The following NIBAN3 variants were observed in gnomAD, a reference collection of about 807,000 sequenced individuals.
NIBAN3 encodes the protein protein Niban 3.
NIBAN3 carries 66 observed loss-of-function variants against 76.4 expected under a neutral mutation model. The ratio of observed to expected loss-of-function variants is 0.86; its 90% confidence interval spans 0.71 to 1.06. The LOEUF (loss-of-function observed/expected upper bound fraction) is 1.06. Ranked by LOEUF, NIBAN3 falls within the 50% of genes least tolerant of loss-of-function variation. NIBAN3 has a pLI of 0.00. For missense variants in NIBAN3, 808 were observed against 810.7 expected (o/e 1.00, Z 0.04); for synonymous variants, 360 against 355.2 (o/e 1.01, Z -0.15).
Position 17,537,682 on chromosome 19 carries a change from A to C in NIBAN3, c.595+139A>C, listed in dbSNP as rs1007332402. Reference sequence around the variant, plus strand: ...GTTTTTAGGCCAGGTGTGGTGGTTCATGCCTGTAATTCTAGCATTTTGGGA... The same window carrying C: ...GTTTTTAGGCCAGGTGTGGTGGTTCCTGCCTGTAATTCTAGCATTTTGGGA... On this transcript the variant is annotated intron_variant, in intron 5 of 14. Transcript: ENST00000599164. The C allele has an allele frequency of 2.5e-5, 19 of 761,952 alleles. No individual in the cohort carries two copies. The African/African-American group carries it at 3.0e-4, about 12-fold the overall frequency. The allele number at this position is 761,952 out of a possible 1,614,324, so 47.2% of individuals were successfully genotyped here. A position where few individuals can be genotyped will look rare whatever the true frequency, so the allele number is the denominator to read the frequency against.
intron 12 of NIBAN3, 50 bp from the exon 13 acceptor site, chr19:17,546,636 C>G (rs1180360932): frequency 4.1e-6 from 6 of 1,475,644 alleles, no homozygotes; most frequent in Non-Finnish European, 5.4e-6. Flanking sequence ...TTGTAGGCCT[C>G]TAGAGGGGCC....
chr19:17,539,302 G>A, intron 6 of NIBAN3, 37 bp downstream of exon 6: 1 of 1,563,930 alleles, frequency 6.4e-7, no homozygotes, highest in African/African-American at 1.4e-5. Flanking sequence ...GGACCCCCAG[G>A]ACCCTCCCGG....
At chr19:17,546,872 C>T (rs2076065328) in intron 13 of NIBAN3, 75 bp downstream of exon 13, 2 of 1,505,068 alleles carry the variant, frequency 1.3e-6, no homozygotes, top group Admixed American at 2.1e-5. Flanking sequence ...ACCAGGGCCA[C>T]ATCGACTCTC....
upstream of NIBAN3, among the ~76,000 whole-genome samples, chr19:17,524,222 A>G (rs1476733814): frequency 6.6e-6 from 1 of 150,904 alleles, no homozygotes; most frequent in Admixed American, 6.6e-5. Flanking sequence ...TGACCCCTCC[A>G]TGCCCATCCT....
chr19:17,525,351 A>ATTCG (rs1189126787), upstream of NIBAN3, among the ~76,000 whole-genome samples: 2 of 151,690 alleles, frequency 1.3e-5, no homozygotes, highest in African/African-American at 4.9e-5. Context: ...TCATTCATTC[A>ATTCG]TTCATTCATT....
In NIBAN3 at chr19:17,553,266, G is replaced by T; in HGVS notation, c.*1368G>T. 1 of 1,596,936 alleles carries T rather than the reference G, an allele frequency of 6.3e-7. No individual in the cohort carries two copies. Among genetic ancestry groups the T allele is most frequent in the South Asian group, 1.1e-5 (1 of 89,738 alleles). On this transcript the variant is annotated 3_prime_UTR_variant, in exon 15 of 15. Transcript: ENST00000599164. The stretch of plus-strand genomic sequence containing the variant: ...TTTGTGATACAGGTTACAGATTTTG[G>T]GGTTTTTTTCTCCGCTTGCTGTGAG...
chr19:17,523,338 C>T (rs186618148), upstream of NIBAN3: 64 of 1,084,122 alleles, frequency 5.9e-5, no homozygotes, highest in African/African-American at 4.5e-4. Context: ...TGCGCAGAGG[C>T]GGCTGTGCAG....
intron 1 of NIBAN3, among the ~76,000 whole-genome samples, chr19:17,529,885 C>A (rs954985206): frequency 3.9e-5 from 6 of 151,978 alleles, no homozygotes; most frequent in African/African-American, 9.7e-5. Context: ...CATAGCAAGA[C>A]CTTGTCTCTA....
intron 10 of NIBAN3, 71 bp from the exon 11 acceptor site, chr19:17,543,246 A>G: frequency 1.0e-6 from 1 of 986,128 alleles, no homozygotes; most frequent in Non-Finnish European, 1.5e-6. Flanking sequence ...AGAAGGGGTC[A>G]GCTGGGCAGG....
upstream of NIBAN3, chr19:17,527,112 A>G (rs2075618166): frequency 2.7e-6 from 3 of 1,102,562 alleles, no homozygotes; most frequent in South Asian, 3.1e-5. Flanking sequence ...ACACCCCACA[A>G]CCTAACCCCG....
intron 1 of NIBAN3, among the ~76,000 whole-genome samples, chr19:17,529,655 G>A (rs1672969879): frequency 6.6e-6 from 1 of 152,186 alleles, no homozygotes; most frequent in Non-Finnish European, 1.5e-5. Flanking sequence ...AGCTCCCCAG[G>A]TAAAGCATAT....
chr19:17,554,606 A>AC (rs1568469583), downstream of NIBAN3, among the ~76,000 whole-genome samples: 1 of 147,482 alleles, frequency 6.8e-6, no homozygotes, highest in Non-Finnish European at 1.5e-5. Flanking sequence ...ATATGGTGAA[A>AC]CCCCATCTCT....
At position 17,551,923 on chromosome 19, in the gene NIBAN3, T is replaced by G. The variant is rs771588296; in HGVS notation, c.*25T>G. On this transcript the variant is annotated 3_prime_UTR_variant, in exon 15 of 15. Coordinates refer to ENST00000599164, the MANE Select transcript of NIBAN3 (RefSeq NM_001321827.2). ...AATCTTCACCCACATCTATCTTGTT[T>G]CTATTGGATAAATGTCTACAAGTGG... 14 of 763,604 alleles carry G rather than the reference T, an allele frequency of 1.8e-5. No homozygotes were observed. Among genetic ancestry groups the G allele is most frequent in the Non-Finnish European group, 2.7e-5 (11 of 404,778 alleles). The allele number at this position is 763,604 out of a possible 1,614,324, so 47.3% of individuals were successfully genotyped here.
intron 13 of NIBAN3, 85 bp downstream of exon 13, chr19:17,546,882 C>T: frequency 6.7e-7 from 1 of 1,486,974 alleles, no homozygotes; most frequent in Non-Finnish European, 9.1e-7. Flanking sequence ...CATCGACTCT[C>T]ACTTCCTGTG....
At chr19:17,544,867 C>G (rs560288504) in intron 12 of NIBAN3, among the ~76,000 whole-genome samples, 1 of 152,130 alleles carries the variant, frequency 6.6e-6, no homozygotes, top group Non-Finnish European at 1.5e-5. Context: ...CCTAATTAAT[C>G]CCATGAATCC....
At chr19:17,525,645 A>T (rs377365419), upstream of NIBAN3, among the ~76,000 whole-genome samples, 1 of 151,956 alleles carries the variant, frequency 6.6e-6, no homozygotes, top group Non-Finnish European at 1.5e-5. Context: ...TCAGAGGGAC[A>T]TGGGGGCTTC....
At chr19:17,526,648 TAA>T (rs569937695), upstream of NIBAN3, among the ~76,000 whole-genome samples, 25 of 138,786 alleles carry the variant, frequency 1.8e-4, no homozygotes, top group Admixed American at 1.4e-4. Context: ...ACCCTGTCTC[TAA>T]AAAAAAAAAA....
upstream of NIBAN3, chr19:17,523,599 G>A (rs2144651959): frequency 3.1e-6 from 2 of 649,290 alleles, no homozygotes; most frequent in South Asian, 1.9e-5. Flanking sequence ...ACCCCACATG[G>A]ATGGTTGTGC....
Position 17,543,450 on chromosome 19 carries a change from C to CGGGGTGGCAT in NIBAN3, c.1446+27_1446+36dup. Reference sequence around the variant, plus strand: ...GTGCTGAAGGTGTGTTCTGTGGGTACGGGGTGGCATGGGGTGGCAGTGGGC... The same window carrying CGGGGTGGCAT: ...GTGCTGAAGGTGTGTTCTGTGGGTACGGGGTGGCATGGGGTGGCATGGGGTGGCAGTGGGC... On this transcript the variant is annotated intron_variant, in intron 11 of 14. Coordinates refer to ENST00000599164, the MANE Select transcript of NIBAN3 (RefSeq NM_001321827.2). The CGGGGTGGCAT allele has an allele frequency of 6.2e-7, 1 of 1,610,434 alleles. No individual in the cohort carries two copies. Among genetic ancestry groups the CGGGGTGGCAT allele is most frequent in the Non-Finnish European group, 8.5e-7 (1 of 1,176,786 alleles).
Sources: allele counts gnomAD v4.1 joint callset (sites outside exome capture counted in the v4.1 genomes callset), GRCh38; gene constraint gnomAD v4.1.1; transcripts MANE v1.5; gene names NCBI Gene and HGNC (gene_info 2026-07-23, HGNC 2026-07-21).